SRGAP3: variants seen among roughly 807,000 people sequenced by gnomAD.
The protein encoded by SRGAP3 is SLIT-ROBO Rho GTPase activating protein 3.
Under a neutral mutation model 121.1 loss-of-function variants are expected in SRGAP3, and 39 were observed. The ratio of observed to expected loss-of-function variants is 0.32; its 90% CI spans 0.25 to 0.42. The LOEUF is 0.42. SRGAP3 is among the 10% of genes least tolerant of loss of function. SRGAP3 has a pLI of 1.00. For synonymous variants in SRGAP3, 601 were observed against 570.0 expected, an observed-to-expected ratio of 1.05 and a Z score of -0.77; for missense variants, 1,213 against 1,470.6, an observed-to-expected ratio of 0.82 and a Z score of 2.86.
intron 10 of SRGAP3, among the ~76,000 whole-genome samples, chr3:9,042,712 T>C (rs1026736809): frequency 6.6e-5 from 10 of 152,314 alleles, no homozygotes; most frequent in South Asian, 2.1e-4. Context: ...AGACACCAGT[T>C]TGGATAAAAT....
chr3:9,059,626 TCA>T (rs1458627966), intron 6 of SRGAP3: 5 of 175,404 alleles, frequency 2.9e-5, no homozygotes, highest in Admixed American at 2.8e-4. Context: ...GCACCACCGC[TCA>T]CAGTGTTCTT....
intron 1 of SRGAP3, among the ~76,000 whole-genome samples, chr3:9,230,032 C>A (rs1486164866): frequency 2.0e-5 from 3 of 152,186 alleles, no homozygotes; most frequent in Non-Finnish European, 4.4e-5. Context: ...AGTTAAGCAA[C>A]TCATTCACTG....
intron 1 of SRGAP3, among the ~76,000 whole-genome samples, chr3:9,236,997 A>G (rs1342386910): frequency 6.6e-6 from 1 of 152,168 alleles, no homozygotes; most frequent in African/African-American, 2.4e-5. Context: ...GCAATCGGCC[A>G]CCTGTTCACT....
chr3:9,260,394 C>T (rs1229640740), intron 3 of SRGAP3, among the ~76,000 whole-genome samples: 1 of 152,170 alleles, frequency 6.6e-6, no homozygotes, highest in African/African-American at 2.4e-5. Flanking sequence ...AGCTAAGATT[C>T]ACTGTCTTGA....
rs1436440548 is a variant in SRGAP3 at position 8,985,293 on chromosome 3, A to G, written c.*226T>C. The G allele has an allele frequency of 1.1e-6, 1 of 940,692 alleles. No homozygotes were observed. Among genetic ancestry groups the G allele is most frequent in the Non-Finnish European group, 1.5e-6 (1 of 664,658 alleles). The allele number at this position is 940,692 out of a possible 1,614,324, so 58.3% of individuals were successfully genotyped here. A position where few individuals can be genotyped will look rare whatever the true frequency, so the allele number is the denominator to read the frequency against. ...CTGTGGTTGGGGCTGCTGGAGCTCC[A>G]GCACTCCTCTGGTCGTCTGTTGACA... On this transcript the variant is annotated 3_prime_UTR_variant, in exon 22 of 22. Transcript: ENST00000383836. The surrounding 1 kb of genome is among the most constrained non-coding windows in gnomAD (Gnocchi z 5.1).
At chr3:9,119,000 A>T (rs1161831276) in intron 2 of SRGAP3, among the ~76,000 whole-genome samples, 1 of 152,188 alleles carries the variant, frequency 6.6e-6, no homozygotes, top group East Asian at 1.9e-4. Context: ...AATCAATGAC[A>T]TTCAGTAACA....
Position 9,047,376 on chromosome 3 carries a change from C to CA in SRGAP3, c.1408+14dup. On this transcript the variant is annotated intron_variant, in intron 10 of 21. Coordinates refer to ENST00000383836, the MANE Select transcript of SRGAP3 (RefSeq NM_014850.4). ...AACGCAGCACCTCCCAGAGGGCCTC[C>CA]ACCAGCCCACTCACCTTCGCCCAGG... is the stretch of plus-strand genomic sequence containing the variant. 6.2e-7 allele frequency: 1 copy of CA among 1,613,728 alleles called. No homozygotes were observed. Among genetic ancestry groups the CA allele is most frequent in the Non-Finnish European group, 8.5e-7 (1 of 1,179,782 alleles).
At chr3:9,317,272 C>A (rs558566949) in intron 3 of SRGAP3, among the ~76,000 whole-genome samples, 2 of 152,190 alleles carry the variant, frequency 1.3e-5, no homozygotes, top group African/African-American at 4.8e-5. Context: ...CACTTCCTGA[C>A]CCAGAAACAG....
intron 4 of SRGAP3, among the ~76,000 whole-genome samples, chr3:9,065,054 C>T (rs368579612): frequency 3.3e-5 from 5 of 152,238 alleles, no homozygotes; most frequent in East Asian, 1.9e-4. Context: ...CCTCCTCCCA[C>T]ACCCATGGGA....
intron 3 of SRGAP3, among the ~76,000 whole-genome samples, chr3:9,095,431 C>T (rs1241346276): frequency 1.3e-5 from 2 of 152,070 alleles, no homozygotes; most frequent in Non-Finnish European, 2.9e-5. Flanking sequence ...ACCTTTAGCA[C>T]CTTAAGCTTT....
chr3:8,986,935 G>A (rs1048627658), intron 21 of SRGAP3, among the ~76,000 whole-genome samples: 8 of 152,166 alleles, frequency 5.3e-5, no homozygotes, highest in Admixed American at 3.9e-4. Flanking sequence ...CTCAGCTCCC[G>A]TCCCCTCATG....
intron 1 of SRGAP3, among the ~76,000 whole-genome samples, chr3:9,242,957 C>T (rs6775756): frequency 0.58 from 87,769 of 151,978 alleles, 25,987 homozygotes; most frequent in Non-Finnish European, 0.62. Context: ...AGTGCTGGGA[C>T]TACAGACATG....
intron 1 of SRGAP3, among the ~76,000 whole-genome samples, chr3:9,220,290 T>A (rs1375117461): frequency 7.0e-6 from 1 of 142,318 alleles, no homozygotes; most frequent in Admixed American, 7.0e-5. Context: ...GAATACCACA[T>A]GTACCCCATA....
intron 3 of SRGAP3, among the ~76,000 whole-genome samples, chr3:9,279,877 C>T (rs938309861): frequency 2.0e-5 from 3 of 152,138 alleles, no homozygotes; most frequent in African/African-American, 7.2e-5. Flanking sequence ...GCAGACCCCA[C>T]AATGGACACA....
At position 9,053,091 on chromosome 3, in the gene SRGAP3, A is replaced by T. The variant is rs2125163321; in HGVS notation, c.1259T>A (p.Met420Lys). Reference sequence around the variant, plus strand: ...CCTCTTGGCAATGTTGATCTTGCTCATGTAGGTCTCAGAGGCAGCCGACTT... The same window carrying T: ...CCTCTTGGCAATGTTGATCTTGCTCTTGTAGGTCTCAGAGGCAGCCGACTT... ...SVKSAASETY[M>K]SKINIAKRRA... is the part of the protein sequence containing the mutation. The change falls in exon 9 of 22, where the codon ATG becomes AAG. Residue 420 changes from methionine to lysine, a missense_variant. This residue lies in a region of SRGAP3 where 793 missense variants were observed against 1,032.9 expected (regional missense o/e 0.77). Transcript: ENST00000383836. 1 of 1,614,106 alleles carries T rather than the reference A, an allele frequency of 6.2e-7. No individual in the cohort carries two copies. The highest frequency in any genetic ancestry group is 2.2e-5 in the East Asian group (1 of 44,872).
chr3:9,017,185 A>G (rs1310356608), intron 14 of SRGAP3, among the ~76,000 whole-genome samples: 1 of 152,180 alleles, frequency 6.6e-6, no homozygotes. Context: ...ATTGCTACAG[A>G]AGAGTCATAA....
chr3:9,242,727 C>A (rs1257570288), intron 1 of SRGAP3, among the ~76,000 whole-genome samples: 2 of 152,186 alleles, frequency 1.3e-5, no homozygotes, highest in African/African-American at 4.8e-5. Context: ...TTCTGTCACC[C>A]AAGCCGGAGT....
At chr3:9,213,135 C>G (rs1181634303) in intron 1 of SRGAP3, among the ~76,000 whole-genome samples, 1 of 152,194 alleles carries the variant, frequency 6.6e-6, no homozygotes, top group Non-Finnish European at 1.5e-5. Flanking sequence ...TCTGGGATCA[C>G]GGCTGCTCCT....
intron 1 of SRGAP3, among the ~76,000 whole-genome samples, chr3:9,229,815 T>A (rs1953132780): frequency 6.6e-6 from 1 of 152,226 alleles, no homozygotes; most frequent in African/African-American, 2.4e-5. Context: ...ACTTCGCATT[T>A]TTAGAGTCAA....
Sources: gnomAD v4.1 joint callset for allele counts (sites outside exome capture counted in the v4.1 genomes callset) on GRCh38, gnomAD v4.1.1 for gene constraint, gnomAD v4.1.1 regional missense constraint, Gnocchi (gnomAD v3.1) non-coding constraint, MANE v1.5 for transcripts, NCBI Gene and HGNC (gene_info 2026-07-23, HGNC 2026-07-21) for gene names.